Variants in KPTN observed in about 807,000 individuals in gnomAD.
KPTN encodes KICSTOR complex protein kaptin.
A neutral mutation model predicts 52.6 loss-of-function variants in KPTN; 36 were observed. The observed-to-expected ratio is 0.68, with a 90% confidence interval of 0.52 to 0.90. The LOEUF (loss-of-function observed/expected upper bound fraction) is 0.90, where lower values mean the gene tolerates loss of function less well. Among genes scored for constraint, KPTN ranks in the 40% least tolerant of loss-of-function variants. The pLI is 0.00. For missense variants in KPTN, 529 were observed against 576.2 expected, an observed-to-expected ratio of 0.92 and a Z score of 0.84; for synonymous variants, 271 against 248.4, an observed-to-expected ratio of 1.09 and a Z score of -0.85.
intron 7 of KPTN, among the ~76,000 whole-genome samples, 163 bp from the exon 8 acceptor site, chr19:47,480,103 C>G (rs1318222237): frequency 1.7e-5 from 2 of 121,100 alleles, no homozygotes; most frequent in Non-Finnish European, 3.5e-5. Context: ...ACCCTCATCC[C>G]TTCCCCCACT....
chr19:47,477,857 C>T (rs1599870531), intron 8 of KPTN, 76 bp from the exon 9 acceptor site: 28 of 960,650 alleles, frequency 2.9e-5, no homozygotes, highest in South Asian at 3.9e-5. Context: ...GTCAGGAGTT[C>T]GAGACCAGCC....
In KPTN at chr19:47,475,247, A is replaced by T. The variant is rs1433844703; in HGVS notation, c.*169T>A. On this transcript the variant is annotated 3_prime_UTR_variant, in exon 12 of 12. Coordinates refer to ENST00000338134, the MANE Select transcript of KPTN (RefSeq NM_007059.4). ...ATCATCCCTGCTTTCAAATAGGGAC[A>T]TTGACGTACAGAGAGAGGAGTGGGT... The T allele has an allele frequency of 1.6e-6, 1 of 613,776 alleles. No individual in the cohort carries two copies. The highest frequency in any genetic ancestry group is 2.1e-5 in the South Asian group (1 of 48,292). The allele number at this position is 613,776 out of a possible 1,614,324, so 38.0% of individuals were successfully genotyped here.
At chr19:47,477,584 A>G (rs182874911) in intron 9 of KPTN, 122 bp downstream of exon 9, 3 of 670,054 alleles carry the variant, frequency 4.5e-6, no homozygotes, top group South Asian at 3.1e-5. Context: ...GGTCACGAGT[A>G]TCTGTACTTG....
At chr19:47,483,896 T>TTCTC in intron 1 of KPTN, 39 bp downstream of exon 1, 1 of 1,610,402 alleles carries the variant, frequency 6.2e-7, no homozygotes, top group Non-Finnish European at 8.5e-7. Context: ...CAACACCACG[T>TTCTC]TCCAGGCCCC....
chr19:47,476,655 C>A lies in KPTN; in HGVS notation c.1059G>T (p.Gly353=), dbSNP rs759546275. ...PESGLPEAQH[G]FHLLWQRSFS... ...AGCTCCGCTGCCACAGCAGATGGAA[C>A]CCGTGCTGGGCCTCAGGAAGCCCCG... is the stretch of plus-strand genomic sequence containing the variant. Residue 353 remains glycine (G), a synonymous_variant, in exon 11 of 12, where the codon GGG becomes GGT. Transcript: ENST00000338134. 1.9e-6 allele frequency: 3 copies of A among 1,613,002 alleles called. No individual in the cohort carries two copies. The highest frequency in any genetic ancestry group is 2.5e-6 in the Non-Finnish European group (3 of 1,179,780).
At chr19:47,478,471 A>G (rs1336970917) in intron 8 of KPTN, among the ~76,000 whole-genome samples, 1 of 145,638 alleles carries the variant, frequency 6.9e-6, no homozygotes, top group Non-Finnish European at 1.5e-5. Context: ...CCAGCTACTC[A>G]GGAGGCTGAG....
chr19:47,478,567 T>TAAAAAAAAAAAAAAAAAAAA (rs757744803), intron 8 of KPTN, among the ~76,000 whole-genome samples: 1 of 66,226 alleles, frequency 1.5e-5, no homozygotes, highest in African/African-American at 4.9e-5. Flanking sequence ...AGACTCTGTC[T>TAAAAAAAAAAAAAAAAAAAA]AAAAAAAAAA....
At chr19:47,479,334 C>CT (rs1411818253) in intron 8 of KPTN, among the ~76,000 whole-genome samples, 1 of 152,162 alleles carries the variant, frequency 6.6e-6, no homozygotes, top group Non-Finnish European at 1.5e-5. Context: ...CTAGTCAAAA[C>CT]TTTTTTAAAA....
intron 4 of KPTN, among the ~76,000 whole-genome samples, chr19:47,482,086 T>A (rs1381077016): frequency 1.3e-5 from 2 of 152,226 alleles, no homozygotes; most frequent in Non-Finnish European, 2.9e-5. Context: ...ATTCTAGATG[T>A]GCAGAATTCC....
intron 8 of KPTN, among the ~76,000 whole-genome samples, chr19:47,478,767 A>G (rs1352711763): frequency 6.6e-6 from 1 of 152,144 alleles, no homozygotes; most frequent in African/African-American, 2.4e-5. Context: ...ACTGGAGACC[A>G]TTATTCTAAG....
chr19:47,483,861 TC>T, intron 1 of KPTN, 73 bp downstream of exon 1: 1 of 1,586,194 alleles, frequency 6.3e-7, no homozygotes, highest in Non-Finnish European at 8.6e-7. Context: ...GTGACCCGGC[TC>T]AGACAGAGCC....
At chr19:47,478,848 G>T (rs1568455077) in intron 8 of KPTN, among the ~76,000 whole-genome samples, 1 of 152,198 alleles carries the variant, frequency 6.6e-6, no homozygotes, top group Non-Finnish European at 1.5e-5. Flanking sequence ...CTATGAGTAT[G>T]CAAAGGCATA....
chr19:47,485,311 G>A (rs1458945107), upstream of KPTN, among the ~76,000 whole-genome samples: 1 of 152,226 alleles, frequency 6.6e-6, no homozygotes, highest in African/African-American at 2.4e-5. Flanking sequence ...AGTTTAGAGA[G>A]AATCAAATGG....
At chr19:47,481,142 G>A in intron 4 of KPTN, 109 bp from the exon 5 acceptor site, 1 of 845,904 alleles carries the variant, frequency 1.2e-6, no homozygotes, top group South Asian at 1.5e-5. Flanking sequence ...AACATTCTGG[G>A]ATCCAGACAC....
chr19:47,477,793 A>T lies in KPTN; in HGVS notation c.788-12T>A, dbSNP rs370577878. 5.6e-6 allele frequency: 9 copies of T among 1,606,856 alleles called. No homozygotes were observed. The highest frequency in any genetic ancestry group is 7.7e-6 in the Non-Finnish European group (9 of 1,173,930). On this transcript the variant is annotated splice_polypyrimidine_tract_variant and intron_variant, in intron 8 of 11. Coordinates refer to ENST00000338134, the MANE Select transcript of KPTN (RefSeq NM_007059.4). ...CCTGTCCTTGGTCTCTGGAGAAGAA[A>T]CATGAATGGTAATCCCAGCACTTTG...
chr19:47,478,303 T>C (rs1241562275), intron 8 of KPTN, among the ~76,000 whole-genome samples: 1 of 151,718 alleles, frequency 6.6e-6, no homozygotes, highest in Non-Finnish European at 1.5e-5. Context: ...TCTGAGGTTC[T>C]GGGTGTGGTG....
Position 47,480,809 on chromosome 19 carries a change from C to T in KPTN, c.550G>A (p.Glu184Lys), listed in dbSNP as rs750921149. ...KENEGLHQFE[E>K]QPVENLFPEL... ...GGGAAGAGGTTTTCCACGGGCTGTTCCTCAAACTGATGCAGCCCCTCGTTC... is the reference window on the plus strand; with the variant it reads ...GGGAAGAGGTTTTCCACGGGCTGTTTCTCAAACTGATGCAGCCCCTCGTTC... Residue 184 changes from glutamate (E) to lysine (K), a missense_variant, in exon 6 of 12, where the codon GAA (glutamate) becomes AAA (lysine). Glu to Lys is a moderately conservative substitution (Grantham distance 56). Transcript: ENST00000338134. 6.2e-7 allele frequency: 1 copy of T among 1,614,050 alleles called. No individual in the cohort carries two copies. Among genetic ancestry groups the T allele is most frequent in the Non-Finnish European group, 8.5e-7 (1 of 1,180,008 alleles).
At chr19:47,481,822 T>G (rs1219294968) in intron 4 of KPTN, among the ~76,000 whole-genome samples, 1 of 152,194 alleles carries the variant, frequency 6.6e-6, no homozygotes, top group African/African-American at 2.4e-5. Flanking sequence ...ATCTGTGTTC[T>G]GGAATGGAAT....
rs1354205960 is a variant in KPTN at position 47,480,378 on chromosome 19, G to C, written c.629C>G (p.Pro210Arg). The C allele has an allele frequency of 6.5e-6, 10 of 1,549,182 alleles. No homozygotes were observed. The highest frequency in any genetic ancestry group is 8.7e-6 in the Non-Finnish European group (10 of 1,146,298). The part of the protein sequence containing the change: ...SVLWLDVHNF[P>R]GTSRRLSALG... Reference sequence around the variant, plus strand: ...AGCTGAGAGGCGCCGGGACGTGCCGGGGAAGTTGTGGACGTCCAGCCAGAG... The same window carrying C: ...AGCTGAGAGGCGCCGGGACGTGCCGCGGAAGTTGTGGACGTCCAGCCAGAG... Residue 210 changes from proline to arginine, a missense_variant, in exon 7 of 12, where the codon CCC becomes CGC. Coordinates refer to ENST00000338134, the MANE Select transcript of KPTN (RefSeq NM_007059.4).
Sources: allele counts gnomAD v4.1 joint callset (sites outside exome capture counted in the v4.1 genomes callset), GRCh38; gene constraint gnomAD v4.1.1; transcripts MANE v1.5; gene names NCBI Gene and HGNC (gene_info 2026-07-23, HGNC 2026-07-21).